ATF6: variants seen among roughly 807,000 people sequenced by gnomAD.
ATF6 encodes activating transcription factor 6, also known as cyclic AMP-dependent transcription factor ATF-6 alpha.
A neutral mutation model predicts 83.6 loss-of-function variants in ATF6; 53 were observed. The observed-to-expected ratio is 0.63, with a 90% CI of 0.51 to 0.80. The LOEUF is 0.80. Ranked by LOEUF, ATF6 falls within the 30% of genes least tolerant of loss-of-function variation. The probability of loss-of-function intolerance (pLI) is 0.00; values close to 1 mark genes in which losing one functional copy is unlikely to be tolerated. For synonymous variants in ATF6, 288 were observed against 285.8 expected (o/e 1.01, Z -0.08); for missense variants, 744 against 797.9 (o/e 0.93, Z 0.81).
intron 11 of ATF6, 80 bp from the exon 12 acceptor site, chr1:161,853,144 C>A: frequency 1.0e-6 from 1 of 998,908 alleles, no homozygotes; most frequent in South Asian, 1.6e-5. Context: ...TGATTAGATT[C>A]ATTTCCACCC....
At chr1:161,823,494 G>C (rs1685812916) in intron 9 of ATF6, among the ~76,000 whole-genome samples, 1 of 152,124 alleles carries the variant, frequency 6.6e-6, no homozygotes, top group African/African-American at 2.4e-5. Flanking sequence ...GCTGTGGCCA[G>C]ACTACTCAGT....
intron 8 of ATF6, among the ~76,000 whole-genome samples, chr1:161,820,401 G>C (rs1464785323): frequency 2.0e-5 from 3 of 152,152 alleles, no homozygotes; most frequent in African/African-American, 7.2e-5. Flanking sequence ...TAAAAGGTTA[G>C]GGAGGCAAAC....
intron 15 of ATF6, among the ~76,000 whole-genome samples, chr1:161,957,168 A>G (rs539881116): frequency 2.3e-5 from 2 of 86,342 alleles, no homozygotes; most frequent in East Asian, 5.4e-4. Context: ...GCTCAGTGTC[A>G]AAGTTAAAAA....
intron 15 of ATF6, among the ~76,000 whole-genome samples, chr1:161,913,018 A>G (rs1437057338): frequency 6.6e-6 from 1 of 152,226 alleles, no homozygotes; most frequent in African/African-American, 2.4e-5. Flanking sequence ...GTACTAAGAA[A>G]TCTAGTGAAA....
chr1:161,850,967 G>A (rs1197008891), intron 10 of ATF6, among the ~76,000 whole-genome samples: 1 of 152,116 alleles, frequency 6.6e-6, no homozygotes, highest in Non-Finnish European at 1.5e-5. Context: ...ACATCAGTGC[G>A]ATGGCTAGGA....
intron 9 of ATF6, among the ~76,000 whole-genome samples, chr1:161,827,793 A>T (rs901990905): frequency 3.9e-5 from 6 of 152,220 alleles, no homozygotes; most frequent in African/African-American, 1.4e-4. Context: ...AAAGCTGACT[A>T]GTTTGAAGAG....
intron 15 of ATF6, among the ~76,000 whole-genome samples, chr1:161,932,055 C>G (rs540931389): frequency 2.3e-4 from 35 of 152,158 alleles, no homozygotes; most frequent in African/African-American, 8.4e-4. Flanking sequence ...TTACCCTGTG[C>G]CAAGCATTGT....
At chr1:161,939,482 C>T (rs1571250758) in intron 15 of ATF6, among the ~76,000 whole-genome samples, 1 of 152,190 alleles carries the variant, frequency 6.6e-6, no homozygotes, top group Non-Finnish European at 1.5e-5. Context: ...ATATAGGCTA[C>T]TATGACAGAG....
chr1:161,906,160 G>A (rs1376293022), intron 14 of ATF6, among the ~76,000 whole-genome samples: 3 of 152,100 alleles, frequency 2.0e-5, no homozygotes, highest in Non-Finnish European at 4.4e-5. Context: ...GAAGTAATAT[G>A]AAGCACATGG....
At chr1:161,876,047 T>C (rs1167802607) in intron 14 of ATF6, among the ~76,000 whole-genome samples, 1 of 151,938 alleles carries the variant, frequency 6.6e-6, no homozygotes, top group East Asian at 1.9e-4. Context: ...TCATTGCTTT[T>C]GCATCATCAG....
chr1:161,842,673 C>T (rs762731489), intron 9 of ATF6, among the ~76,000 whole-genome samples: 10 of 152,248 alleles, frequency 6.6e-5, no homozygotes, highest in Middle Eastern at 6.8e-3. Context: ...GATATAGGTG[C>T]ACCAAAATAT....
chr1:161,821,099 G>A lies in ATF6; in HGVS notation c.1125G>A (p.Lys375=). 1 of 1,613,150 alleles carries A rather than the reference G, an allele frequency of 6.2e-7. No individual in the cohort carries two copies. Among genetic ancestry groups the A allele is most frequent in the Non-Finnish European group, 8.5e-7 (1 of 1,179,494 alleles). Residue 375 remains lysine (K), a synonymous_variant, in exon 9 of 16, where the codon AAG becomes AAA. Coordinates refer to ENST00000367942, the MANE Select transcript of ATF6 (RefSeq NM_007348.4). ...AGAGGCTTAAAGTCCCTAGTCCAAA[G>A]CGAAGAGTTGTCTGTGTGATGATAG... ...ENQRLKVPSP[K]RRVVCVMIVL...
intron 9 of ATF6, among the ~76,000 whole-genome samples, chr1:161,836,167 C>T (rs541463835): frequency 6.6e-6 from 1 of 152,246 alleles, no homozygotes; most frequent in South Asian, 2.1e-4. Context: ...GTTTCTATTC[C>T]AGCATTCTCT....
At chr1:161,878,791 T>G (rs1687269607) in intron 14 of ATF6, among the ~76,000 whole-genome samples, 1 of 152,086 alleles carries the variant, frequency 6.6e-6, no homozygotes, top group Non-Finnish European at 1.5e-5. Flanking sequence ...TATGTCAACA[T>G]GAAAGTCACT....
chr1:161,777,214 T>G (rs1224658220), intron 1 of ATF6, among the ~76,000 whole-genome samples: 1 of 152,224 alleles, frequency 6.6e-6, no homozygotes, highest in Non-Finnish European at 1.5e-5. Flanking sequence ...GAGAGCCAGA[T>G]AGAGAACTCT....
At chr1:161,925,778 T>C (rs371717703) in intron 15 of ATF6, among the ~76,000 whole-genome samples, 2 of 152,312 alleles carry the variant, frequency 1.3e-5, no homozygotes, top group South Asian at 2.1e-4. Context: ...GCACTGTCCA[T>C]TGTATCTAAG....
At chr1:161,883,062 A>C (rs1218006202) in intron 14 of ATF6, among the ~76,000 whole-genome samples, 1 of 151,928 alleles carries the variant, frequency 6.6e-6, no homozygotes, top group Non-Finnish European at 1.5e-5. Context: ...TAATGCTATT[A>C]TTTTCCTTAT....
intron 15 of ATF6, among the ~76,000 whole-genome samples, chr1:161,934,051 C>T (rs1163055668): frequency 2.6e-5 from 4 of 152,286 alleles, no homozygotes; most frequent in South Asian, 2.1e-4. Flanking sequence ...TGACAGTGTA[C>T]AAGATAACTT....
intron 11 of ATF6, among the ~76,000 whole-genome samples, chr1:161,852,422 T>A (rs551685360): frequency 1.3e-5 from 2 of 152,058 alleles, no homozygotes; most frequent in East Asian, 3.9e-4. Flanking sequence ...AAATTTGAAT[T>A]TTTTTTTACC....
Sources: gnomAD v4.1 joint callset for allele counts (sites outside exome capture counted in the v4.1 genomes callset) on GRCh38, gnomAD v4.1.1 for gene constraint, MANE v1.5 for transcripts, NCBI Gene and HGNC (gene_info 2026-07-23, HGNC 2026-07-21) for gene names.